Variants in DLGAP1 observed in about 807,000 individuals in gnomAD.
DLGAP1 encodes the protein disks large-associated protein 1.
Under a neutral mutation model 90.8 loss-of-function variants are expected in DLGAP1, and 11 were observed. The observed-to-expected ratio is 0.12, with a 90% CI of 0.08 to 0.20. The LOEUF is 0.20. DLGAP1 is among the 10% of genes least tolerant of loss of function. The pLI is 1.00. For synonymous variants in DLGAP1, 558 were observed against 540.7 expected (o/e 1.03, Z -0.44); for missense variants, 1,050 against 1,333.8 (o/e 0.79, Z 3.31).
intron 5 of DLGAP1, among the ~76,000 whole-genome samples, chr18:3,768,725 T>C (rs954898890): frequency 2.0e-5 from 3 of 152,146 alleles, no homozygotes; most frequent in African/African-American, 4.8e-5. Context: ...GCTGGAGCAA[T>C]TGGACATCCA....
intron 7 of DLGAP1, among the ~76,000 whole-genome samples, chr18:3,614,755 G>A (rs1002950873): frequency 1.5e-4 from 23 of 149,620 alleles, no homozygotes; most frequent in Admixed American, 6.7e-4. Context: ...AGCCTGAGGC[G>A]GGAGAATTGC....
chr18:3,801,505 T>C (rs902638057), intron 5 of DLGAP1, among the ~76,000 whole-genome samples: 2 of 152,198 alleles, frequency 1.3e-5, no homozygotes, highest in Admixed American at 1.3e-4. Flanking sequence ...GGGCTCTGAA[T>C]TCAAATCCCG....
chr18:3,571,785 C>CA (rs1236020893), intron 8 of DLGAP1, among the ~76,000 whole-genome samples: 1 of 152,200 alleles, frequency 6.6e-6, no homozygotes, highest in Non-Finnish European at 1.5e-5. Context: ...CTCGGCCTCC[C>CA]AAAGTGCTGG....
intron 1 of DLGAP1, among the ~76,000 whole-genome samples, chr18:4,346,423 G>C (rs1359778964): frequency 6.6e-6 from 1 of 152,180 alleles, no homozygotes; most frequent in Non-Finnish European, 1.5e-5. Context: ...ATAAAGAGTA[G>C]TTATTTTATC....
chr18:3,788,554 T>C (rs557367116), intron 5 of DLGAP1, among the ~76,000 whole-genome samples: 19 of 152,244 alleles, frequency 1.2e-4, no homozygotes, highest in Non-Finnish European at 2.5e-4. Context: ...TACAAACAAC[T>C]ATGATTAGGT....
intron 11 of DLGAP1, 91 bp from the exon 12 acceptor site, chr18:3,502,736 A>C: frequency 7.0e-7 from 1 of 1,421,036 alleles, no homozygotes. Flanking sequence ...TTCAAACAAC[A>C]TAAGGAGGAC....
chr18:3,973,923 C>T (rs1313717333), intron 3 of DLGAP1, among the ~76,000 whole-genome samples: 1 of 152,190 alleles, frequency 6.6e-6, no homozygotes, highest in Non-Finnish European at 1.5e-5. Context: ...TAGCCTACCA[C>T]ACTCTCAGGC....
chr18:4,058,327 A>C (rs2075251859), intron 2 of DLGAP1, among the ~76,000 whole-genome samples: 1 of 152,166 alleles, frequency 6.6e-6, no homozygotes, highest in Non-Finnish European at 1.5e-5. Flanking sequence ...GCAGCAAAGA[A>C]ATAGACTCCC....
chr18:3,593,108 C>A (rs2056374662), intron 7 of DLGAP1, among the ~76,000 whole-genome samples: 1 of 151,858 alleles, frequency 6.6e-6, no homozygotes. Flanking sequence ...CTCAAACCAC[C>A]TTTGTTTATC....
chr18:4,258,199 G>T (rs568712547), intron 1 of DLGAP1, among the ~76,000 whole-genome samples: 1 of 152,140 alleles, frequency 6.6e-6, no homozygotes, highest in South Asian at 2.1e-4. Flanking sequence ...ACTACGCCTG[G>T]CTAATTTTTA....
intron 10 of DLGAP1, among the ~76,000 whole-genome samples, chr18:3,509,124 A>T (rs952380762): frequency 3.9e-5 from 6 of 152,030 alleles, no homozygotes; most frequent in Non-Finnish European, 7.4e-5. Flanking sequence ...AAGCAGTACT[A>T]AACTAGAGGG....
chr18:4,032,017 C>T (rs2074804109), intron 2 of DLGAP1, among the ~76,000 whole-genome samples: 1 of 152,126 alleles, frequency 6.6e-6, no homozygotes, highest in African/African-American at 2.4e-5. Context: ...TCCCTTTTCT[C>T]TAGTTTCCCG....
intron 1 of DLGAP1, among the ~76,000 whole-genome samples, chr18:4,298,797 C>A (rs1361450479): frequency 2.0e-5 from 3 of 151,708 alleles, no homozygotes; most frequent in Non-Finnish European, 4.4e-5. Context: ...GCAGCAAATT[C>A]TTGGCCTGGC....
At chr18:3,626,176 C>T (rs2058286716) in intron 7 of DLGAP1, among the ~76,000 whole-genome samples, 1 of 152,036 alleles carries the variant, frequency 6.6e-6, no homozygotes, top group Non-Finnish European at 1.5e-5. Context: ...CCCTGTAGTG[C>T]CAGCTACTTG....
chr18:4,076,199 A>G (rs1222294238), intron 2 of DLGAP1, among the ~76,000 whole-genome samples: 2 of 152,218 alleles, frequency 1.3e-5, no homozygotes, highest in African/African-American at 2.4e-5. Flanking sequence ...AACACACCAT[A>G]TATTTTATTT....
intron 1 of DLGAP1, among the ~76,000 whole-genome samples, chr18:4,200,908 T>C (rs542092061): frequency 5.7e-4 from 87 of 152,296 alleles, no homozygotes; most frequent in African/African-American, 2.0e-3. Flanking sequence ...GTGGGAAATA[T>C]AGGGATCTTG....
intron 3 of DLGAP1, among the ~76,000 whole-genome samples, chr18:3,909,369 G>GTTAAC (rs1259279755): frequency 1.3e-5 from 2 of 152,124 alleles, no homozygotes; most frequent in Non-Finnish European, 2.9e-5. Flanking sequence ...TGACAATAAA[G>GTTAAC]TTAACCTGCA....
intron 1 of DLGAP1, among the ~76,000 whole-genome samples, chr18:4,399,866 A>G (rs1485954402): frequency 1.3e-5 from 2 of 152,200 alleles, no homozygotes; most frequent in East Asian, 1.9e-4. Flanking sequence ...CCTTCCATGC[A>G]TAAATACCTG....
chr18:4,320,147 C>T (rs2080641876), intron 1 of DLGAP1, among the ~76,000 whole-genome samples: 1 of 152,124 alleles, frequency 6.6e-6, no homozygotes, highest in South Asian at 2.1e-4. Context: ...TGAAAGGAGG[C>T]AATTATGAGA....
Sources: allele counts gnomAD v4.1 joint callset (sites outside exome capture counted in the v4.1 genomes callset), GRCh38; gene constraint gnomAD v4.1.1; transcripts MANE v1.5; gene names NCBI Gene and HGNC (gene_info 2026-07-23, HGNC 2026-07-21).